The following ACSS3 variants were observed in gnomAD, a reference collection of about 807,000 sequenced individuals.
ACSS3 encodes the protein acyl-CoA synthetase short-chain family member 3, mitochondrial.
A neutral mutation model predicts 84.2 loss-of-function variants in ACSS3; 64 were observed. The observed-to-expected ratio is 0.76, with a 90% confidence interval of 0.62 to 0.94. ACSS3 has a LOEUF of 0.94. Ranked by LOEUF, ACSS3 falls within the 40% of genes least tolerant of loss-of-function variation. The pLI is 0.00. For missense variants in ACSS3, 815 were observed against 867.6 expected (o/e 0.94, Z 0.76); for synonymous variants, 317 against 310.1 (o/e 1.02, Z -0.23).
rs942872177 is a variant in ACSS3 at position 81,110,321 on chromosome 12, C to A, written c.456+617C>A. ...GTTATTGCCTTAGATACTCCTGGGC[C>A]TTTGTAGCTCTTTGAACATGTTCAT... is the stretch of plus-strand genomic sequence containing the variant. On this transcript the variant is annotated intron_variant, in intron 2 of 15. Transcript: ENST00000548058. 4.6e-5 allele frequency among the ~76,000 whole-genome samples: 7 copies of A among 152,084 alleles called. 1 individual carries two copies. Among genetic ancestry groups the A allele is most frequent in the South Asian group, 2.1e-4 (1 of 4,824 alleles).
At chr12:81,082,663 A>G (rs1177730953) in intron 1 of ACSS3, among the ~76,000 whole-genome samples, 3 of 152,200 alleles carry the variant, frequency 2.0e-5, no homozygotes, top group African/African-American at 7.2e-5. Flanking sequence ...GAGTTATGTT[A>G]AGGATTTTTA....
chr12:81,086,419 C>G (rs138105060), intron 1 of ACSS3, among the ~76,000 whole-genome samples: 1 of 152,258 alleles, frequency 6.6e-6, no homozygotes, highest in Non-Finnish European at 1.5e-5. Flanking sequence ...AGGTCAGCAG[C>G]TTGGTACTGT....
At chr12:81,131,536 A>G (rs1347663531) in intron 2 of ACSS3, among the ~76,000 whole-genome samples, 1 of 152,140 alleles carries the variant, frequency 6.6e-6, no homozygotes, top group Non-Finnish European at 1.5e-5. Context: ...GGCTGAGATG[A>G]TGGGGTTTTC....
rs1395173752 is a variant in ACSS3 at position 81,102,389 on chromosome 12, G to A, written c.312-7171G>A. Among the ~76,000 whole-genome samples the A allele has an allele frequency of 2.6e-5, 4 of 152,042 alleles. No individual in the cohort carries two copies. In the South Asian group the frequency reaches 8.3e-4, roughly 31 times the overall value. ...CCTATCTCAGAAAATTACACTCTAG[G>A]CCCAGAAAAGTTTGTGTGATGTCTG... On this transcript the variant is annotated intron_variant, in intron 1 of 15. Coordinates refer to ENST00000548058, the MANE Select transcript of ACSS3 (RefSeq NM_024560.4).
chr12:81,113,177 A>G (rs980096549), intron 2 of ACSS3, among the ~76,000 whole-genome samples: 46 of 152,150 alleles, frequency 3.0e-4, no homozygotes, highest in African/African-American at 1.1e-3. Flanking sequence ...TAACCGAATA[A>G]GGGTCATGAT....
chr12:81,231,232 A>G, intron 12 of ACSS3, 94 bp downstream of exon 12: 1 of 1,060,260 alleles, frequency 9.4e-7, no homozygotes, highest in Non-Finnish European at 1.3e-6. Flanking sequence ...ATCGTAGATC[A>G]AAAAGAAACT....
In ACSS3 at chr12:81,233,472, G is replaced by A; in HGVS notation, c.1719+1G>A. ...AATTTCTGCAGGCGCCATTGAAGAG[G>A]TATTGATGAATATTGGTATTCTATT... On this transcript the variant is annotated splice_donor_variant, in intron 13 of 15. Coordinates refer to ENST00000548058, the MANE Select transcript of ACSS3 (RefSeq NM_024560.4). LOFTEE classifies it high-confidence loss of function. 4 of 1,609,978 alleles carry A rather than the reference G, an allele frequency of 2.5e-6. No individual in the cohort carries two copies. Among genetic ancestry groups the A allele is most frequent in the Non-Finnish European group, 3.4e-6 (4 of 1,177,364 alleles).
chr12:81,085,727 A>G (rs1881266419), intron 1 of ACSS3, among the ~76,000 whole-genome samples: 1 of 152,246 alleles, frequency 6.6e-6, no homozygotes, highest in African/African-American at 2.4e-5. Context: ...GTTTCTGAAT[A>G]TTTTCACCAT....
At chr12:81,136,945 A>T (rs768615944) in intron 3 of ACSS3, among the ~76,000 whole-genome samples, 1 of 152,044 alleles carries the variant, frequency 6.6e-6, no homozygotes, top group Non-Finnish European at 1.5e-5. Flanking sequence ...AGAGCAAGAG[A>T]TGGTTGACCT....
At chr12:81,164,131 C>T (rs531748367) in intron 7 of ACSS3, among the ~76,000 whole-genome samples, 1 of 152,240 alleles carries the variant, frequency 6.6e-6, no homozygotes, top group East Asian at 1.9e-4. Flanking sequence ...AGTAAGTGCC[C>T]TATGTAGGTG....
At chr12:81,108,608 G>C (rs1206030123) in intron 1 of ACSS3, among the ~76,000 whole-genome samples, 1 of 152,134 alleles carries the variant, frequency 6.6e-6, no homozygotes, top group Admixed American at 6.5e-5. Flanking sequence ...TGCTGCCACT[G>C]TATCTGTAGC....
chr12:81,252,230 T>TG (rs2034176593), intron 13 of ACSS3, among the ~76,000 whole-genome samples: 1 of 152,136 alleles, frequency 6.6e-6, no homozygotes, highest in Non-Finnish European at 1.5e-5. Context: ...GTATCTTTCA[T>TG]ATAAAAAAAA....
At chr12:81,094,003 A>T (rs1881849987) in intron 1 of ACSS3, among the ~76,000 whole-genome samples, 1 of 152,042 alleles carries the variant, frequency 6.6e-6, no homozygotes, top group Non-Finnish European at 1.5e-5. Flanking sequence ...ATTATTTTTA[A>T]TGTATACAGA....
At position 81,109,773 on chromosome 12, in the gene ACSS3, C is replaced by G. The variant is rs1883417023; in HGVS notation, c.456+69C>G. 13 of 1,257,114 alleles carry G rather than the reference C, an allele frequency of 1.0e-5. No homozygotes were observed. In the South Asian group the frequency reaches 2.3e-4, roughly 22 times the overall value. The allele number at this position is 1,257,114 out of a possible 1,614,324, so 77.9% of individuals were successfully genotyped here. On this transcript the variant is annotated intron_variant, in intron 2 of 15. Coordinates refer to ENST00000548058, the MANE Select transcript of ACSS3 (RefSeq NM_024560.4). ...AAATTACTTAAATAGCATACATTCT[C>G]ATTGTAGAGCCTTCAATTCTCTAAT...
At chr12:81,163,531 G>A (rs1887257127) in intron 7 of ACSS3, among the ~76,000 whole-genome samples, 2 of 152,254 alleles carry the variant, frequency 1.3e-5, no homozygotes, top group East Asian at 1.9e-4. Context: ...TTATTTTAGA[G>A]CGTACTCCTA....
chr12:81,211,210 G>A (rs181136152), intron 9 of ACSS3, among the ~76,000 whole-genome samples: 1 of 152,080 alleles, frequency 6.6e-6, no homozygotes, highest in Non-Finnish European at 1.5e-5. Flanking sequence ...AAACTTGTAG[G>A]CTCAAGCAGT....
At chr12:81,102,743 T>C (rs992930450) in intron 1 of ACSS3, among the ~76,000 whole-genome samples, 2 of 151,408 alleles carry the variant, frequency 1.3e-5, no homozygotes, top group African/African-American at 4.9e-5. Context: ...GCAGGAGAAC[T>C]GCTTGAGCCT....
intron 9 of ACSS3, among the ~76,000 whole-genome samples, chr12:81,208,613 C>T (rs2032450103): frequency 6.6e-6 from 1 of 152,108 alleles, no homozygotes; most frequent in African/African-American, 2.4e-5. Context: ...GTTTAGTGCT[C>T]CAGTTAGCAA....
At chr12:81,240,613 T>C (rs1392967254) in intron 13 of ACSS3, among the ~76,000 whole-genome samples, 1 of 151,938 alleles carries the variant, frequency 6.6e-6, no homozygotes, top group Non-Finnish European at 1.5e-5. Context: ...CCTTACTCTT[T>C]GTTTCTATTT....
Sources: allele counts gnomAD v4.1 joint callset (sites outside exome capture counted in the v4.1 genomes callset), GRCh38; gene constraint gnomAD v4.1.1; transcripts MANE v1.5; gene names NCBI Gene and HGNC (gene_info 2026-07-23, HGNC 2026-07-21).